The following VCL variants were observed in gnomAD, a reference collection of about 807,000 sequenced individuals.
VCL encodes the protein vinculin.
Under a neutral mutation model 125.7 loss-of-function variants are expected in VCL, and 47 were observed. The observed-to-expected ratio is 0.37, with a 90% CI of 0.30 to 0.48. The LOEUF (loss-of-function observed/expected upper bound fraction) is 0.48. Among genes scored for constraint, VCL ranks in the 20% least tolerant of loss-of-function variants. The pLI is 0.99. For synonymous variants in VCL, 458 were observed against 514.6 expected, an observed-to-expected ratio of 0.89 and a Z score of 1.49; for missense variants, 1,069 against 1,455.5, an observed-to-expected ratio of 0.73 and a Z score of 4.32.
chr10:74,083,272 A>G, intron 7 of VCL, 94 bp from the exon 8 acceptor site: 1 of 1,529,510 alleles, frequency 6.5e-7, no homozygotes. Context: ...GTTTAAAATC[A>G]TCCATTCCTT....
intron 1 of VCL, among the ~76,000 whole-genome samples, chr10:74,030,393 C>T (rs913530762): frequency 1.3e-5 from 2 of 152,162 alleles, no homozygotes; most frequent in South Asian, 4.1e-4. Flanking sequence ...GCACTTGGCC[C>T]ATACACTGGC....
chr10:74,025,228 G>A (rs1428779403), intron 1 of VCL, among the ~76,000 whole-genome samples: 1 of 151,970 alleles, frequency 6.6e-6, no homozygotes, highest in East Asian at 1.9e-4. Context: ...ATGTTGGCCT[G>A]GCTGGTTCAA....
chr10:74,069,530 G>T (rs917639958), intron 2 of VCL, among the ~76,000 whole-genome samples: 2 of 152,154 alleles, frequency 1.3e-5, no homozygotes, highest in African/African-American at 4.8e-5. Flanking sequence ...CTTTAAACTT[G>T]TGGAGTTTCT....
rs767968937 is a variant in VCL at position 74,094,376 on chromosome 10, G to A, written c.1458G>A (p.Pro486=). 5.0e-6 allele frequency: 8 copies of A among 1,614,026 alleles called. No individual in the cohort carries two copies. The highest frequency in any genetic ancestry group is 1.3e-5 in the African/African-American group (1 of 74,910). The change falls in exon 11 of 22, where the codon CCG becomes CCA. Residue 486 remains proline, a synonymous_variant. Transcript: ENST00000211998. Reference sequence around the variant, plus strand: ...ACCGGGCTGTGGCCAACAGCAGACCGGCCAAAGCAGCTGTACACCTTGAGG... The same window carrying A: ...ACCGGGCTGTGGCCAACAGCAGACCAGCCAAAGCAGCTGTACACCTTGAGG... ...KTNRAVANSR[P]AKAAVHLEGK...
intron 1 of VCL, among the ~76,000 whole-genome samples, chr10:74,037,999 CTT>C (rs56198344): frequency 0.17 from 22,677 of 130,170 alleles, 1,837 homozygotes; most frequent in East Asian, 0.22. Flanking sequence ...CTTTTCTTTT[CTT>C]TTTTTTTTTT....
At chr10:74,052,945 A>AT (rs1564518593) in intron 2 of VCL, among the ~76,000 whole-genome samples, 30 of 139,236 alleles carry the variant, frequency 2.2e-4, no homozygotes, top group South Asian at 8.6e-4. Flanking sequence ...TGAAAAAAAA[A>AT]AATATATATA....
chr10:74,075,127 T>C lies in VCL; in HGVS notation c.783+224T>C, dbSNP rs1469449856. Reference sequence around the variant, plus strand: ...CAAGTAAATAGGCATGTGGGGTAGATACTGGTTTAAGGCTGAGATTTATAG... The same window carrying C: ...CAAGTAAATAGGCATGTGGGGTAGACACTGGTTTAAGGCTGAGATTTATAG... On this transcript the variant is annotated intron_variant, in intron 6 of 21. Coordinates refer to ENST00000211998, the MANE Select transcript of VCL (RefSeq NM_014000.3). The C allele has an allele frequency of 8.8e-6, 5 of 566,858 alleles. No homozygotes were observed. The Admixed American group carries it at 1.6e-4, about 18-fold the overall frequency. 35.1% of individuals were successfully genotyped at this position (566,858 alleles called of 1,614,324 possible). A position where few individuals can be genotyped will look rare whatever the true frequency, so the allele number is the denominator to read the frequency against.
intron 2 of VCL, among the ~76,000 whole-genome samples, chr10:74,055,708 A>T (rs1841379384): frequency 6.6e-6 from 1 of 152,098 alleles, no homozygotes; most frequent in Non-Finnish European, 1.5e-5. Context: ...ATCAACATAC[A>T]TTTGAAAACT....
chr10:74,051,224 T>TTTTG (rs752991770), intron 2 of VCL, among the ~76,000 whole-genome samples: 42 of 151,608 alleles, frequency 2.8e-4, no homozygotes, highest in Admixed American at 2.1e-3. Context: ...CACTACTGTT[T>TTTTG]TTTGTTTGTT....
chr10:74,083,366 G>A lies in VCL; in HGVS notation c.875G>A (p.Gly292Glu), dbSNP rs763330709. ...GWLRDPSASPGDAGEQAIRQI... is the reference protein window; with the variant it reads ...GWLRDPSASPEDAGEQAIRQI... Reference sequence around the variant, plus strand: ...GTTATTGAATATCTCTTTATTTTAGGGGATGCTGGTGAGCAGGCCATCAGA... The same window carrying A: ...GTTATTGAATATCTCTTTATTTTAGAGGATGCTGGTGAGCAGGCCATCAGA... The change falls in exon 8 of 22, where the codon GGG becomes GAG. Residue 292 changes from glycine (G) to glutamate (E), a missense_variant and splice_region_variant. Coordinates refer to ENST00000211998, the MANE Select transcript of VCL (RefSeq NM_014000.3). 3.1e-6 allele frequency: 5 copies of A among 1,613,788 alleles called. No homozygotes were observed. Among genetic ancestry groups the A allele is most frequent in the Non-Finnish European group, 4.2e-6 (5 of 1,179,898 alleles).
At chr10:74,015,059 G>T (rs561182270) in intron 1 of VCL, among the ~76,000 whole-genome samples, 220 of 152,218 alleles carry the variant, frequency 1.4e-3, no homozygotes, top group African/African-American at 4.9e-3. Context: ...TCTGAAAAAA[G>T]GGATAGAATC....
chr10:74,013,932 A>G (rs1840485461), intron 1 of VCL, among the ~76,000 whole-genome samples: 2 of 152,228 alleles, frequency 1.3e-5, no homozygotes, highest in South Asian at 4.1e-4. Flanking sequence ...CATAGCTTCT[A>G]ACTTTTATTC....
At chr10:74,010,337 T>A (rs1840410061) in intron 1 of VCL, among the ~76,000 whole-genome samples, 1 of 152,222 alleles carries the variant, frequency 6.6e-6, no homozygotes, top group South Asian at 2.1e-4. Flanking sequence ...TTAGTTTTCA[T>A]ATTGCATTAA....
At position 74,095,638 on chromosome 10, in the gene VCL, G is replaced by A. The variant is rs764895095; in HGVS notation, c.1544-18G>A. On this transcript the variant is annotated intron_variant, in intron 11 of 21. Transcript: ENST00000211998. ...TCCTCTGGGTCTTGTAAGTTTCATT[G>A]TTTTTCTCTTGGTCCAGGTCAGGCT... is the stretch of plus-strand genomic sequence containing the variant. 1 of 1,613,286 alleles carries A rather than the reference G, an allele frequency of 6.2e-7. No homozygotes were observed. Among genetic ancestry groups the A allele is most frequent in the Non-Finnish European group, 8.5e-7 (1 of 1,180,016 alleles).
chr10:74,087,786 G>T (rs974043426), intron 8 of VCL, among the ~76,000 whole-genome samples: 21 of 152,000 alleles, frequency 1.4e-4, no homozygotes, highest in Non-Finnish European at 2.5e-4. Flanking sequence ...GACCAGCCTG[G>T]CCAACAGTGT....
intron 2 of VCL, among the ~76,000 whole-genome samples, chr10:74,064,419 T>G (rs796123548): frequency 7.2e-5 from 11 of 152,278 alleles, no homozygotes; most frequent in African/African-American, 2.6e-4. Flanking sequence ...CACTTTTTTT[T>G]TTTTGAGACA....
At chr10:74,013,282 A>T (rs1363878220) in intron 1 of VCL, among the ~76,000 whole-genome samples, 8 of 152,200 alleles carry the variant, frequency 5.3e-5, no homozygotes. Flanking sequence ...AGGGCATTGC[A>T]TGCAAAAGGA....
chr10:74,098,094 C>T (rs1006329385), intron 13 of VCL, among the ~76,000 whole-genome samples: 5 of 152,274 alleles, frequency 3.3e-5, no homozygotes, highest in Admixed American at 6.5e-5. Context: ...TCTTTGCTCT[C>T]GTGTGGTACC....
At chr10:74,063,813 T>C (rs1841518494) in intron 2 of VCL, 1 of 152,212 alleles carries the variant, frequency 6.6e-6, no homozygotes, top group South Asian at 2.1e-4. Context: ...TGTAGATAAG[T>C]GTTGATGTAT....
Sources: gnomAD v4.1 joint callset for allele counts (sites outside exome capture counted in the v4.1 genomes callset) on GRCh38, gnomAD v4.1.1 for gene constraint, MANE v1.5 for transcripts, NCBI Gene and HGNC (gene_info 2026-07-23, HGNC 2026-07-21) for gene names.